The following ABCC4 variants were observed in gnomAD, a reference collection of about 807,000 sequenced individuals.
ABCC4 encodes ATP binding cassette subfamily C member 4 (PEL blood group), also known as ATP-binding cassette sub-family C member 4.
In ABCC4, 102 loss-of-function variants were observed where a neutral mutation model predicts 168.5. The observed-to-expected ratio is 0.61, with a 90% CI of 0.52 to 0.71. ABCC4 has a LOEUF of 0.71. Among genes scored for constraint, ABCC4 ranks in the 30% least tolerant of loss-of-function variants. ABCC4 has a pLI of 0.00. For synonymous variants in ABCC4, 617 were observed against 590.7 expected (o/e 1.04, Z -0.65); for missense variants, 1,402 against 1,605.8 (o/e 0.87, Z 2.17).
intron 13 of ABCC4, among the ~76,000 whole-genome samples, chr13:95,175,192 T>C (rs1054862384): frequency 2.0e-5 from 3 of 152,338 alleles, no homozygotes; most frequent in Non-Finnish European, 4.4e-5. Flanking sequence ...GCCGACTCGC[T>C]ATCCACTTTG....
In ABCC4 at chr13:95,207,867, C is replaced by T; in HGVS notation, c.844G>A (p.Gly282Ser). The part of the protein sequence containing the change: ...RIRTMNEVIT[G>S]IRIIKMYAWE... ...GCGTACATTTTTATTATCCTTATAC[C>T]AGTTATAACTTCATTCATGGTCCTG... Residue 282 changes from glycine to serine, a missense_variant, in exon 7 of 31, where the codon GGT becomes AGT. By Grantham distance (56) the Gly-to-Ser change is moderately conservative (BLOSUM62 0). Coordinates refer to ENST00000645237, the MANE Select transcript of ABCC4 (RefSeq NM_005845.5). 6.2e-7 allele frequency: 1 copy of T among 1,613,424 alleles called. No homozygotes were observed. The highest frequency in any genetic ancestry group is 2.2e-5 in the East Asian group (1 of 44,866).
chr13:95,246,895 C>G, intron 3 of ABCC4, 80 bp downstream of exon 3: 7 of 1,491,404 alleles, frequency 4.7e-6, no homozygotes, highest in Non-Finnish European at 6.4e-6. Flanking sequence ...GTTCCCCCAT[C>G]CATTACAGCA....
intron 13 of ABCC4, among the ~76,000 whole-genome samples, chr13:95,175,603 C>T (rs954111899): frequency 6.6e-6 from 1 of 152,204 alleles, no homozygotes; most frequent in African/African-American, 2.4e-5. Flanking sequence ...CCACAGTGCC[C>T]GGCCAACACA....
intron 10 of ABCC4, among the ~76,000 whole-genome samples, chr13:95,187,421 A>C (rs1053551159): frequency 3.7e-4 from 56 of 152,138 alleles, no homozygotes; most frequent in African/African-American, 1.4e-3. Flanking sequence ...CCTGGCCAAC[A>C]TGGTGAAACC....
intron 11 of ABCC4, 127 bp downstream of exon 11, chr13:95,186,574 C>T (rs2038066755): frequency 1.3e-6 from 1 of 788,518 alleles, no homozygotes; most frequent in South Asian, 2.2e-5. Flanking sequence ...GGGAGGACCG[C>T]CTTAAAGTAT....
chr13:95,177,937 TCAC>T (rs2037762652), intron 12 of ABCC4, 57 bp downstream of exon 12: 1 of 1,565,322 alleles, frequency 6.4e-7, no homozygotes, highest in Non-Finnish European at 8.8e-7. Flanking sequence ...TCCTATGTGC[TCAC>T]CACCACTGGA....
chr13:95,217,047 C>T (rs572923423), intron 4 of ABCC4, among the ~76,000 whole-genome samples: 1 of 152,244 alleles, frequency 6.6e-6, no homozygotes, highest in African/African-American at 2.4e-5. Context: ...CCATTAAGAA[C>T]AATACTGTGA....
intron 11 of ABCC4, among the ~76,000 whole-genome samples, chr13:95,183,420 C>T (rs1461897315): frequency 2.0e-5 from 3 of 152,066 alleles, no homozygotes; most frequent in South Asian, 2.1e-4. Flanking sequence ...ACCATTGACA[C>T]GTGGATTTGA....
At chr13:95,142,052 T>A (rs1412792167) in intron 19 of ABCC4, among the ~76,000 whole-genome samples, 1 of 152,120 alleles carries the variant, frequency 6.6e-6, no homozygotes, top group Non-Finnish European at 1.5e-5. Flanking sequence ...TAACTAAAAG[T>A]AGAACTACCA....
At chr13:95,052,279 C>A (rs547139630) in intron 27 of ABCC4, among the ~76,000 whole-genome samples, 3 of 152,302 alleles carry the variant, frequency 2.0e-5, no homozygotes, top group East Asian at 1.9e-4. Context: ...CTGCACCCAG[C>A]CTTAAATGCT....
chr13:95,277,980 C>G (rs2041012781), intron 1 of ABCC4, among the ~76,000 whole-genome samples: 1 of 152,130 alleles, frequency 6.6e-6, no homozygotes, highest in Non-Finnish European at 1.5e-5. Context: ...CAGATTGGAA[C>G]AACAGCCAGG....
chr13:95,175,597 A>G (rs2037650297), intron 13 of ABCC4, among the ~76,000 whole-genome samples: 1 of 152,202 alleles, frequency 6.6e-6, no homozygotes. Flanking sequence ...CATGGGCCAC[A>G]GTGCCCGGCC....
chr13:95,071,767 C>T lies in ABCC4; in HGVS notation c.3105G>A (p.Trp1035Ter). The change falls in exon 25 of 31, where the codon TGG becomes TGA. Residue 1035 changes from tryptophan (W) to a stop codon, truncating the protein, a stop_gained. Transcript: ENST00000645237. LOFTEE classifies it high-confidence loss of function. The stretch of plus-strand genomic sequence containing the variant: ...CAAAGATTATCACTCCTTCATGGGG[C>T]CAGGCTGGTGGTGGGCGTTTCTGAT... ...WEYQKRPPPA[W>*]PHEGVIIFDN... 6.2e-7 allele frequency: 1 copy of T among 1,607,954 alleles called. No homozygotes were observed. Among genetic ancestry groups the T allele is most frequent in the Non-Finnish European group, 8.5e-7 (1 of 1,177,196 alleles).
chr13:95,073,991 C>A (rs1310228659), intron 23 of ABCC4, among the ~76,000 whole-genome samples: 1 of 152,188 alleles, frequency 6.6e-6, no homozygotes, highest in Non-Finnish European at 1.5e-5. Context: ...CTGCGCATAT[C>A]TCAACCCATT....
chr13:95,068,030 C>T lies in ABCC4; in HGVS notation c.3210+3632G>A, dbSNP rs186638762. On this transcript the variant is annotated intron_variant, in intron 25 of 30. Coordinates refer to ENST00000645237, the MANE Select transcript of ABCC4 (RefSeq NM_005845.5). ...TTCTGTGAATTAGAAACCTACTTAG[C>T]GCCTATTACTTTTTCCTATTTGTTA... is the stretch of plus-strand genomic sequence containing the variant. Among the ~76,000 whole-genome samples, 11 of 152,242 alleles carry T rather than the reference C, an allele frequency of 7.2e-5. No homozygotes were observed. In the East Asian group the frequency reaches 1.7e-3, roughly 24 times the overall value.
At chr13:95,297,069 G>A (rs188874287) in intron 1 of ABCC4, among the ~76,000 whole-genome samples, 14 of 152,002 alleles carry the variant, frequency 9.2e-5, no homozygotes, top group African/African-American at 3.4e-4. Flanking sequence ...TCAGGAGTTC[G>A]AGACCAGCCT....
chr13:95,134,576 C>T (rs540396123), intron 19 of ABCC4, among the ~76,000 whole-genome samples: 2 of 152,034 alleles, frequency 1.3e-5, no homozygotes, highest in East Asian at 1.9e-4. Context: ...AAAAGCTAGC[C>T]GGAGGAGGTG....
chr13:95,281,027 A>G (rs1258149540), intron 1 of ABCC4, among the ~76,000 whole-genome samples: 1 of 151,938 alleles, frequency 6.6e-6, no homozygotes, highest in East Asian at 1.9e-4. Context: ...TTAATACTGG[A>G]TGCTAAGAAC....
intron 1 of ABCC4, among the ~76,000 whole-genome samples, chr13:95,263,777 C>A (rs1378118810): frequency 3.3e-5 from 5 of 151,186 alleles, no homozygotes; most frequent in Non-Finnish European, 5.9e-5. Context: ...GAGCCGAGAT[C>A]GTGCCACTGT....
Sources: gnomAD v4.1 joint callset for allele counts (sites outside exome capture counted in the v4.1 genomes callset) on GRCh38, gnomAD v4.1.1 for gene constraint, MANE v1.5 for transcripts, NCBI Gene and HGNC (gene_info 2026-07-23, HGNC 2026-07-21) for gene names.